The following MIER1 variants were observed in gnomAD, a reference collection of about 807,000 sequenced individuals.
MIER1 encodes the protein mesoderm induction early response protein 1.
MIER1 carries 40 observed loss-of-function variants against 75.7 expected under a neutral mutation model. The ratio of observed to expected loss-of-function variants is 0.53; its 90% CI spans 0.41 to 0.69. The LOEUF (loss-of-function observed/expected upper bound fraction) is 0.69, where lower values mean the gene tolerates loss of function less well. Ranked by LOEUF, MIER1 falls within the 30% of genes least tolerant of loss-of-function variation. MIER1 has a pLI of 0.00. For synonymous variants in MIER1, 213 were observed against 223.4 expected (o/e 0.95, Z 0.42); for missense variants, 574 against 680.2 (o/e 0.84, Z 1.74).
chr1:66,983,018 C>A (rs1666205862), intron 13 of MIER1, among the ~76,000 whole-genome samples: 1 of 152,172 alleles, frequency 6.6e-6, no homozygotes, highest in African/African-American at 2.4e-5. Context: ...CATATTAACA[C>A]CAAATCATTT....
chr1:66,931,015 A>T (rs916247007), intron 2 of MIER1, among the ~76,000 whole-genome samples: 1 of 151,998 alleles, frequency 6.6e-6, no homozygotes, highest in Non-Finnish European at 1.5e-5. Flanking sequence ...ACAACCTCTG[A>T]GCTGCTTTTC....
At chr1:66,937,494 A>T (rs1655187882) in intron 2 of MIER1, among the ~76,000 whole-genome samples, 1 of 152,056 alleles carries the variant, frequency 6.6e-6, no homozygotes, top group South Asian at 2.1e-4. Flanking sequence ...CTGAGGCAGG[A>T]GAATCGATTG....
At chr1:66,925,477 A>G in intron 1 of MIER1, 12 of 985,244 alleles carry the variant, frequency 1.2e-5, no homozygotes, top group Non-Finnish European at 1.3e-5. Context: ...TTTCTCCTGT[A>G]TTTCCCTCAC....
chr1:66,941,289 C>T (rs1456749000), intron 3 of MIER1, among the ~76,000 whole-genome samples: 2 of 152,106 alleles, frequency 1.3e-5, no homozygotes, highest in African/African-American at 2.4e-5. Flanking sequence ...GTACATTAGG[C>T]TTTGTGCATT....
chr1:66,948,004 T>G, intron 4 of MIER1: 1 of 983,816 alleles, frequency 1.0e-6, no homozygotes, highest in Non-Finnish European at 1.2e-6. Context: ...TTTTGTTTTA[T>G]TTTTATTTTT....
chr1:66,944,212 A>G (rs1195222415), intron 3 of MIER1, among the ~76,000 whole-genome samples: 5 of 152,000 alleles, frequency 3.3e-5, no homozygotes, highest in Non-Finnish European at 7.4e-5. Context: ...AGTCAGCTCT[A>G]TCTCTTTGCT....
chr1:66,949,906 C>A (rs1658523167), intron 4 of MIER1, among the ~76,000 whole-genome samples: 2 of 140,352 alleles, frequency 1.4e-5, no homozygotes, highest in South Asian at 5.1e-4. Context: ...TAAGTTCATT[C>A]AATTTGAATT....
intron 2 of MIER1, among the ~76,000 whole-genome samples, chr1:66,929,946 G>C (rs1271936513): frequency 1.3e-5 from 2 of 152,208 alleles, no homozygotes; most frequent in African/African-American, 4.8e-5. Flanking sequence ...TTTTTCCTCT[G>C]CTGTGTCAAT....
intron 1 of MIER1, chr1:66,925,561 C>G: frequency 1.0e-6 from 1 of 985,338 alleles, no homozygotes; most frequent in Non-Finnish European, 1.2e-6. Context: ...GCCAACTTGC[C>G]CTTTTCGGAT....
At chr1:66,956,249 C>T (rs1429246546) in intron 4 of MIER1, among the ~76,000 whole-genome samples, 1 of 152,078 alleles carries the variant, frequency 6.6e-6, no homozygotes, top group African/African-American at 2.4e-5. Flanking sequence ...TGGTGAAACC[C>T]TTCTCTATGA....
intron 4 of MIER1, among the ~76,000 whole-genome samples, chr1:66,951,030 T>A (rs1010902487): frequency 6.6e-6 from 1 of 152,206 alleles, no homozygotes; most frequent in African/African-American, 2.4e-5. Context: ...ATGACTAACC[T>A]CCTGATGTGA....
intron 1 of MIER1, 113 bp downstream of exon 1, chr1:66,925,208 C>T: frequency 7.1e-7 from 1 of 1,411,484 alleles, no homozygotes; most frequent in Non-Finnish European, 9.2e-7. Context: ...CGGCAGTGTA[C>T]CGCCCGGAAG....
chr1:66,972,752 T>C, intron 10 of MIER1, 145 bp from the exon 11 acceptor site: 2 of 536,014 alleles, frequency 3.7e-6, no homozygotes, highest in Non-Finnish European at 6.6e-6. Flanking sequence ...GTTGTCACTT[T>C]ATCTTTTGCA....
rs1247153068 is a variant in MIER1 at position 66,976,728 on chromosome 1, T to C, written c.1229+6T>C. ...AATCTTCATCCTGGTGTAACGTGAG[T>C]TAATTTTTTCCTTAAGAGCTATATA... On this transcript the variant is annotated splice_donor_region_variant and intron_variant, in intron 12 of 13. Transcript: ENST00000401041. 1 of 1,572,588 alleles carries C rather than the reference T, an allele frequency of 6.4e-7. No homozygotes were observed. The highest frequency in any genetic ancestry group is 2.3e-5 in the East Asian group (1 of 43,996).
At chr1:66,972,761 C>G in intron 10 of MIER1, 136 bp from the exon 11 acceptor site, 1 of 536,446 alleles carries the variant, frequency 1.9e-6, no homozygotes. Flanking sequence ...TTATCTTTTG[C>G]AACAATTAGT....
chr1:66,955,047 T>C (rs1186220706), intron 4 of MIER1, among the ~76,000 whole-genome samples: 1 of 152,144 alleles, frequency 6.6e-6, no homozygotes, highest in Non-Finnish European at 1.5e-5. Flanking sequence ...ACACTTCTTA[T>C]CTGTATATCC....
intron 2 of MIER1, chr1:66,932,616 C>G (rs1653711801): frequency 6.6e-6 from 1 of 152,078 alleles, no homozygotes; most frequent in South Asian, 2.1e-4. Flanking sequence ...TTTGAGCTCT[C>G]AGTAGATTCA....
At chr1:66,954,671 A>G (rs1226887363) in intron 4 of MIER1, among the ~76,000 whole-genome samples, 1 of 151,582 alleles carries the variant, frequency 6.6e-6, no homozygotes, top group African/African-American at 2.4e-5. Flanking sequence ...GAGGTGTTGG[A>G]GAATTTTTCT....
At position 66,985,224 on chromosome 1, in the gene MIER1, C is replaced by T; in HGVS notation, c.*324C>T. The T allele has an allele frequency of 1.0e-6, 1 of 969,080 alleles. No homozygotes were observed. The highest frequency in any genetic ancestry group is 1.2e-6 in the Non-Finnish European group (1 of 812,810). The allele number at this position is 969,080 out of a possible 1,614,324, so 60.0% of individuals were successfully genotyped here. ...GAATGAACTAAAGATGTATCTGTAC[C>T]TTCTCATTTGATGTATTAATCATAA... On this transcript the variant is annotated 3_prime_UTR_variant, in exon 14 of 14. Transcript: ENST00000401041.
Sources: allele counts gnomAD v4.1 joint callset (sites outside exome capture counted in the v4.1 genomes callset), GRCh38; gene constraint gnomAD v4.1.1; transcripts MANE v1.5; gene names NCBI Gene and HGNC (gene_info 2026-07-23, HGNC 2026-07-21).